The following PTPN9 variants were observed in gnomAD, a reference collection of about 807,000 sequenced individuals.
PTPN9 encodes the protein tyrosine-protein phosphatase non-receptor type 9.
Under a neutral mutation model 69.8 loss-of-function variants are expected in PTPN9, and 26 were observed. The observed-to-expected ratio is 0.37, with a 90% CI of 0.27 to 0.52. The LOEUF is 0.52. Among genes scored for constraint, PTPN9 ranks in the 20% least tolerant of loss-of-function variants. The pLI is 0.91. For synonymous variants in PTPN9, 274 were observed against 272.5 expected (o/e 1.01, Z -0.05); for missense variants, 549 against 740.3 (o/e 0.74, Z 3.00).
rs184413262 is a variant in PTPN9, at chr15:75,547,793, G to T, written c.64-20532C>A. On this transcript the variant is annotated intron_variant, in intron 1 of 12. Transcript: ENST00000618819. ...CAATTCTCCTGCCTCAGCCTCCTGA[G>T]TAGCTGGGATTACAGGCATGCGCCA... Among the ~76,000 whole-genome samples the T allele has an allele frequency of 2.7e-3, 407 of 151,936 alleles. 2 individuals are homozygous for T. Among genetic ancestry groups the T allele is most frequent in the African/African-American group, 9.3e-3 (385 of 41,448 alleles).
chr15:75,539,315 A>AT (rs11324064), intron 1 of PTPN9, among the ~76,000 whole-genome samples: 105 of 144,424 alleles, frequency 7.3e-4, no homozygotes, highest in East Asian at 7.2e-3. Flanking sequence ...TATTTAGAAG[A>AT]TTTTTTTTTT....
chr15:75,554,175 T>C (rs1282838934), intron 1 of PTPN9, among the ~76,000 whole-genome samples: 1 of 150,596 alleles, frequency 6.6e-6, no homozygotes. Flanking sequence ...TATGCCACCA[T>C]GCCCGGCTGA....
intron 1 of PTPN9, among the ~76,000 whole-genome samples, chr15:75,542,214 A>G (rs1652890365): frequency 6.6e-6 from 1 of 152,176 alleles, no homozygotes; most frequent in Non-Finnish European, 1.5e-5. Context: ...CCATATTATC[A>G]GGTCTCTTTA....
chr15:75,507,462 A>AG lies in PTPN9; in HGVS notation c.639+1454_639+1455insC, dbSNP rs1210750617. The stretch of plus-strand genomic sequence containing the variant: ...ACTCTGTCGCAAAAAAAAAAAAAAA[A>AG]AAAGAAAGAAAAGATCTCTCCTGGC... On this transcript the variant is annotated intron_variant, in intron 6 of 12. Coordinates refer to ENST00000618819, the MANE Select transcript of PTPN9 (RefSeq NM_002833.4). Among the ~76,000 whole-genome samples, 1,198 of 148,560 alleles carry AG rather than the reference A, an allele frequency of 8.1e-3. 17 individuals carry two copies. Among genetic ancestry groups the AG allele is most frequent in the African/African-American group, 0.027 (1,069 of 40,274 alleles).
chr15:75,568,841 T>C (rs986707800), intron 1 of PTPN9, among the ~76,000 whole-genome samples: 4 of 151,994 alleles, frequency 2.6e-5, no homozygotes, highest in Non-Finnish European at 4.4e-5. Context: ...TGTCTCTTAC[T>C]AAAAAAATTT....
At chr15:75,576,276 G>T (rs565453724) in intron 1 of PTPN9, among the ~76,000 whole-genome samples, 16 of 147,046 alleles carry the variant, frequency 1.1e-4, no homozygotes, top group Admixed American at 2.0e-4. Context: ...TCACACCTGT[G>T]ATCCCAACAC....
intron 1 of PTPN9, among the ~76,000 whole-genome samples, chr15:75,562,297 TG>T (rs1204358598): frequency 6.6e-6 from 1 of 152,210 alleles, no homozygotes. Flanking sequence ...AGTGACATCT[TG>T]GAACAATAAA....
rs1302021492 is a variant in PTPN9 at position 75,523,230 on chromosome 15, T to C, written c.313A>G (p.Thr105Ala). 2.5e-6 allele frequency: 4 copies of C among 1,613,946 alleles called. No homozygotes were observed. Among genetic ancestry groups the C allele is most frequent in the Non-Finnish European group, 2.5e-6 (3 of 1,179,972 alleles). The change falls in exon 4 of 13, where the codon ACA (threonine) becomes GCA (alanine). Residue 105 changes from threonine to alanine, a missense_variant. Transcript: ENST00000618819. ...KFTILNVRDP[T>A]GASIALFTAR... is the part of the protein sequence containing the mutation. Reference sequence around the variant, plus strand: ...GTAAAGAGGGCAATGGAGGCTCCTGTTGGGTCCCGAACATTCTAAAGCAAA... The same window carrying C: ...GTAAAGAGGGCAATGGAGGCTCCTGCTGGGTCCCGAACATTCTAAAGCAAA...
At chr15:75,513,518 G>C (rs888964444) in intron 5 of PTPN9, 4 of 411,588 alleles carry the variant, frequency 9.7e-6, no homozygotes. Flanking sequence ...TGTAATCCCA[G>C]GACTTTGAGA....
intron 1 of PTPN9, among the ~76,000 whole-genome samples, chr15:75,534,224 A>T (rs937088968): frequency 1.3e-5 from 2 of 152,174 alleles, no homozygotes; most frequent in Non-Finnish European, 2.9e-5. Context: ...ATGAATGTTC[A>T]TTCTCTTTTT....
intron 9 of PTPN9, among the ~76,000 whole-genome samples, chr15:75,478,564 C>G (rs1303222889): frequency 6.6e-6 from 1 of 152,212 alleles, no homozygotes; most frequent in Non-Finnish European, 1.5e-5. Flanking sequence ...AGCCACTGTG[C>G]CTGGCCATGG....
At position 75,505,872 on chromosome 15, in the gene PTPN9, G is replaced by A; in HGVS notation, c.771C>T (p.His257=). Residue 257 remains histidine (H), a synonymous_variant, in exon 7 of 13, where the codon CAC becomes CAT. Transcript: ENST00000618819. Reference sequence around the variant, plus strand: ...GGATGATCTCATCGAAGGGATCTGGGTGGCCGTTCACCTGGGGTAGGAACT... The same window carrying A: ...GGATGATCTCATCGAAGGGATCTGGATGGCCGTTCACCTGGGGTAGGAACT... ...NFQFLPQVNG[H]PDPFDEIILF... is the part of the protein sequence containing the mutation. 1 of 1,614,164 alleles carries A rather than the reference G, an allele frequency of 6.2e-7. No individual in the cohort carries two copies. The highest frequency in any genetic ancestry group is 8.5e-7 in the Non-Finnish European group (1 of 1,180,042).
Position 75,497,588 on chromosome 15 carries a change from G to T in PTPN9, c.969-7287C>A, listed in dbSNP as rs180717375. 2.8e-3 allele frequency among the ~76,000 whole-genome samples: 421 copies of T among 152,170 alleles called. 2 individuals carry two copies. Among genetic ancestry groups the T allele is most frequent in the African/African-American group, 9.6e-3 (398 of 41,512 alleles). Reference sequence around the variant, plus strand: ...GGCCAAGGTGGGTGGATCACCTGACGTGAGGAGCTCGAGACCACTCTGACC... The same window carrying T: ...GGCCAAGGTGGGTGGATCACCTGACTTGAGGAGCTCGAGACCACTCTGACC... On this transcript the variant is annotated intron_variant, in intron 7 of 12. Transcript: ENST00000618819.
rs759332281 is a variant in PTPN9, at chr15:75,524,311, C to G, written c.208-13G>C. 5 of 1,549,688 alleles carry G rather than the reference C, an allele frequency of 3.2e-6. No individual in the cohort carries two copies. The highest frequency in any genetic ancestry group is 4.5e-6 in the Non-Finnish European group (5 of 1,122,306). The stretch of plus-strand genomic sequence containing the variant: ...TCCTTCGAGTTTCCTAAAAAGGAAG[C>G]ACAGCAAAATGTATTAATATGAAAA... On this transcript the variant is annotated splice_polypyrimidine_tract_variant and intron_variant, in intron 2 of 12. Transcript: ENST00000618819.
intron 8 of PTPN9, among the ~76,000 whole-genome samples, chr15:75,480,354 C>T (rs943086159): frequency 5.3e-5 from 8 of 152,116 alleles, no homozygotes; most frequent in African/African-American, 1.9e-4. Flanking sequence ...CCTGTAATCC[C>T]AGCACTTTGG....
rs539313841 is a variant in PTPN9, at chr15:75,540,568, A to G, written c.64-13307T>C. 7.0e-3 allele frequency among the ~76,000 whole-genome samples: 680 copies of G among 97,258 alleles called. 4 individuals carry two copies. Among genetic ancestry groups the G allele is most frequent in the Middle Eastern group, 0.018 (4 of 218 alleles). The allele number at this position is 97,258 out of a possible 152,430, so 63.8% of individuals were successfully genotyped here. A position where few individuals can be genotyped will look rare whatever the true frequency, so the allele number is the denominator to read the frequency against. ...TAAAAAAAAAAAAAAAAAAAGAAAGAAAGAAAGAAAGAAAGAAAAATGTGA... is the reference window on the plus strand; with the variant it reads ...TAAAAAAAAAAAAAAAAAAAGAAAGGAAGAAAGAAAGAAAGAAAAATGTGA... On this transcript the variant is annotated intron_variant, in intron 1 of 12. Coordinates refer to ENST00000618819, the MANE Select transcript of PTPN9 (RefSeq NM_002833.4).
At chr15:75,572,718 A>AAAAAAGAAAGAAAG (rs1482657230) in intron 1 of PTPN9, among the ~76,000 whole-genome samples, 1 of 152,146 alleles carries the variant, frequency 6.6e-6, no homozygotes. Flanking sequence ...AAAAAAAAGA[A>AAAAAAGAAAGAAAG]AAAAAGAAAG....
chr15:75,504,186 G>GCC (rs1567488583), intron 7 of PTPN9, among the ~76,000 whole-genome samples: 1 of 119,900 alleles, frequency 8.3e-6, no homozygotes, highest in African/African-American at 3.2e-5. Flanking sequence ...GGGGGGGTCA[G>GCC]CCCCATGTCC....
intron 8 of PTPN9, chr15:75,487,545 C>A (rs540850282): frequency 2.6e-5 from 4 of 152,262 alleles, no homozygotes; most frequent in African/African-American, 9.6e-5. Context: ...ATGTGGCAGG[C>A]ACTGTTCTAG....
Sources: allele counts gnomAD v4.1 joint callset (sites outside exome capture counted in the v4.1 genomes callset), GRCh38; gene constraint gnomAD v4.1.1; transcripts MANE v1.5; gene names NCBI Gene and HGNC (gene_info 2026-07-23, HGNC 2026-07-21).